The following PYHIN1 variants were observed in gnomAD, a reference collection of about 807,000 sequenced individuals.
PYHIN1 encodes pyrin and HIN domain-containing protein 1.
A neutral mutation model predicts 43.7 loss-of-function variants in PYHIN1; 32 were observed. That is an observed-to-expected ratio of 0.73 (90% CI 0.55 to 0.98). The LOEUF is 0.98. PYHIN1 is among the 50% of genes least tolerant of loss of function. The pLI is 0.00. For synonymous variants in PYHIN1, 205 were observed against 203.1 expected (o/e 1.01, Z -0.08); for missense variants, 588 against 589.5 (o/e 1.00, Z 0.03).
chr1:158,939,349 A>T (rs567872964), intron 4 of PYHIN1, 102 bp downstream of exon 4: 4 of 1,592,322 alleles, frequency 2.5e-6, no homozygotes, highest in Non-Finnish European at 3.4e-6. Flanking sequence ...ATCAGCCAGT[A>T]AATCAAATGT....
At chr1:158,939,924 C>A in intron 4 of PYHIN1, 1 of 173,744 alleles carries the variant, frequency 5.8e-6, no homozygotes, top group Non-Finnish European at 1.2e-5. Flanking sequence ...CCAATAAATA[C>A]CTTTGCTCAA....
rs190674823 is a variant in PYHIN1, at chr1:158,971,410, T to C, written c.1360-2237T>C. 2.5e-3 allele frequency among the ~76,000 whole-genome samples: 385 copies of C among 151,662 alleles called. 5 individuals are homozygous for C. The highest frequency in any genetic ancestry group is 8.3e-4 in the Non-Finnish European group (56 of 67,836). On this transcript the variant is annotated intron_variant, in intron 7 of 8. Coordinates refer to ENST00000368140, the MANE Select transcript of PYHIN1 (RefSeq NM_152501.5). ...CATGTGATTTTCCAGACACCCATTA[T>C]CCTTACATTAACAAGATATATATAT... is the stretch of plus-strand genomic sequence containing the variant.
At position 158,976,859 on chromosome 1, in the gene PYHIN1, G is replaced by T. The variant is rs1374141024; in HGVS notation, c.*164G>T. On this transcript the variant is annotated 3_prime_UTR_variant, in exon 9 of 9. Coordinates refer to ENST00000368140, the MANE Select transcript of PYHIN1 (RefSeq NM_152501.5). ...AAAATAATATATGTATATATATCTG[G>T]TTGAAATACTATATATATATATATA... 8.4e-6 allele frequency: 1 copy of T among 118,678 alleles called. No homozygotes were observed. 7.4% of individuals were successfully genotyped at this position (118,678 alleles called of 1,614,324 possible).
downstream of PYHIN1, among the ~76,000 whole-genome samples, chr1:158,979,451 TATTCATGCTGTAACTATTGCAGAATTTC>T (rs565321859): frequency 7.7e-3 from 1,172 of 152,318 alleles, 16 homozygotes; most frequent in African/African-American, 0.027. Context: ...CCTCAAGTTT[TATTCATGCTGTAACTATTGCAGAATTTC>T]ATTCATGCTG....
chr1:158,975,996 C>T (rs569554623), intron 8 of PYHIN1, among the ~76,000 whole-genome samples: 4 of 152,116 alleles, frequency 2.6e-5, no homozygotes, highest in South Asian at 2.1e-4. Context: ...ACACAATGAA[C>T]AGAAGAGGGA....
At position 158,939,200 on chromosome 1, in the gene PYHIN1, C is replaced by T. The variant is rs1648751495; in HGVS notation, c.532C>T (p.Pro178Ser). ...GTCCACAGCCATGGGCCGTTCCCCA[C>T]CTCCCCAGACCTCATCATCAGCTCC... is the stretch of plus-strand genomic sequence containing the variant. ...STSTAMGRSP[P>S]PQTSSSAPPN... The change falls in exon 4 of 9, where the codon CCT becomes TCT. Residue 178 changes from proline (P) to serine (S), a missense_variant. Physicochemically the swap from Pro to Ser is moderately conservative, Grantham distance 74. Coordinates refer to ENST00000368140, the MANE Select transcript of PYHIN1 (RefSeq NM_152501.5). 1 of 1,610,126 alleles carries T rather than the reference C, an allele frequency of 6.2e-7. No individual in the cohort carries two copies. Among genetic ancestry groups the T allele is most frequent in the African/African-American group, 1.3e-5 (1 of 74,570 alleles).
downstream of PYHIN1, among the ~76,000 whole-genome samples, chr1:158,977,942 C>T (rs143251038): frequency 3.0e-4 from 45 of 152,042 alleles, no homozygotes; most frequent in African/African-American, 1.1e-3. Flanking sequence ...TGAAAAGAGC[C>T]TCACTCTCAC....
At chr1:158,939,332 A>G (rs1648762707) in intron 4 of PYHIN1, 85 bp downstream of exon 4, 23 of 1,588,474 alleles carry the variant, frequency 1.4e-5, no homozygotes, top group Non-Finnish European at 1.7e-5. Context: ...GAAAAATGAC[A>G]TCAATCATCA....
intron 7 of PYHIN1, among the ~76,000 whole-genome samples, chr1:158,947,969 C>T (rs1164522470): frequency 6.6e-6 from 1 of 152,144 alleles, no homozygotes; most frequent in African/African-American, 2.4e-5. Flanking sequence ...TTTTACAAAA[C>T]CTTCCAGCCT....
In PYHIN1 at chr1:158,970,022, G is replaced by T. The variant is rs16841376; in HGVS notation, c.1360-3625G>T. 2.3e-3 allele frequency among the ~76,000 whole-genome samples: 352 copies of T among 151,962 alleles called. 1 individual carries two copies. The highest frequency in any genetic ancestry group is 7.8e-3 in the African/African-American group (325 of 41,478). The stretch of plus-strand genomic sequence containing the variant: ...AGCCTTGCCCATTTACTCATCAAGG[G>T]TTCACTCAAAAATTTGTGTATGATA... On this transcript the variant is annotated intron_variant, in intron 7 of 8. Transcript: ENST00000368140.
At chr1:158,941,045 G>C (rs1285742679) in intron 4 of PYHIN1, among the ~76,000 whole-genome samples, 1 of 152,094 alleles carries the variant, frequency 6.6e-6, no homozygotes, top group Non-Finnish European at 1.5e-5. Context: ...GTTGGGAAAG[G>C]ACTTTTCTGT....
rs1307208991 is a variant in PYHIN1, at chr1:158,942,179, G to T, written c.782G>T (p.Arg261Met). Residue 261 changes from arginine to methionine, a missense_variant, in exon 5 of 9, where the codon AGG becomes ATG. Physicochemically the swap from Arg to Met is moderately conservative, Grantham distance 91. Transcript: ENST00000368140. ...HVKVLNINLK[R>M]KFIKKRIIII... ...AAGGTTTTAAACATCAACTTGAAGAGGAAATTCATTAAAAAGAGAATCATC... is the reference window on the plus strand; with the variant it reads ...AAGGTTTTAAACATCAACTTGAAGATGAAATTCATTAAAAAGAGAATCATC... 1 of 1,614,028 alleles carries T rather than the reference G, an allele frequency of 6.2e-7. No individual in the cohort carries two copies. The highest frequency in any genetic ancestry group is 1.3e-5 in the African/African-American group (1 of 75,044).
chr1:158,957,333 C>T (rs1174792228), intron 7 of PYHIN1, among the ~76,000 whole-genome samples: 1 of 151,976 alleles, frequency 6.6e-6, no homozygotes, highest in Non-Finnish European at 1.5e-5. Flanking sequence ...CTGGAGGCAT[C>T]ACACTACCTG....
chr1:158,942,434 C>T (rs1291099541), intron 5 of PYHIN1, 35 bp downstream of exon 5: 3 of 1,490,016 alleles, frequency 2.0e-6, no homozygotes, highest in Non-Finnish European at 2.7e-6. Context: ...GCATTTTCTA[C>T]AATAACACTT....
chr1:158,984,028 G>GTT, the PYHIN1 span, among the ~76,000 whole-genome samples: 7,178 of 111,120 alleles, frequency 0.065, 394 homozygotes, highest in Non-Finnish European at 0.084. Flanking sequence ...ATCTTCTCCT[G>GTT]TTTTTTTTTT....
At chr1:158,940,659 G>A (rs185956821) in intron 4 of PYHIN1, among the ~76,000 whole-genome samples, 1 of 152,252 alleles carries the variant, frequency 6.6e-6, no homozygotes, top group Admixed American at 6.5e-5. Flanking sequence ...AGGGCAACAA[G>A]TGATGAAACC....
At chr1:158,967,376 C>G (rs1650685225) in intron 7 of PYHIN1, among the ~76,000 whole-genome samples, 1 of 151,294 alleles carries the variant, frequency 6.6e-6, no homozygotes, top group African/African-American at 2.4e-5. Flanking sequence ...TAGGCAATCA[C>G]AGAGAGGCTA....
At chr1:158,967,511 A>T (rs1442015497) in intron 7 of PYHIN1, among the ~76,000 whole-genome samples, 1 of 152,122 alleles carries the variant, frequency 6.6e-6, no homozygotes, top group Non-Finnish European at 1.5e-5. Context: ...AAAAATGGCC[A>T]GATTTCCCAA....
At chr1:158,973,335 G>T (rs1160361420) in intron 7 of PYHIN1, among the ~76,000 whole-genome samples, 2 of 151,962 alleles carry the variant, frequency 1.3e-5, no homozygotes, top group Non-Finnish European at 2.9e-5. Flanking sequence ...CAGTCATCTT[G>T]GCAGAAGTGG....
Sources: allele counts gnomAD v4.1 joint callset (sites outside exome capture counted in the v4.1 genomes callset), GRCh38; gene constraint gnomAD v4.1.1; transcripts MANE v1.5; gene names NCBI Gene and HGNC (gene_info 2026-07-23, HGNC 2026-07-21).